The following RPS6KC1 variants were observed in gnomAD, a reference collection of about 807,000 sequenced individuals.
RPS6KC1 encodes inactive ribosomal protein S6 kinase delta-1.
Under a neutral mutation model 103.8 loss-of-function variants are expected in RPS6KC1, and 54 were observed. The ratio of observed to expected loss-of-function variants is 0.52; its 90% CI spans 0.42 to 0.65. The LOEUF is 0.65. RPS6KC1 is among the 30% of genes least tolerant of loss of function. RPS6KC1 has a pLI of 0.00. For synonymous variants in RPS6KC1, 439 were observed against 438.7 expected, an observed-to-expected ratio of 1.00 and a Z score of -0.01; for missense variants, 1,151 against 1,253.8, an observed-to-expected ratio of 0.92 and a Z score of 1.24.
chr1:213,553,709 T>A, the RPS6KC1 span, among the ~76,000 whole-genome samples: 4 of 152,308 alleles, frequency 2.6e-5, no homozygotes, highest in African/African-American at 7.2e-5. Flanking sequence ...TTGATTTTTT[T>A]AATAATTGCC....
chr1:213,602,120 C>CTTTCTTTCTTTCTTTGTTCTTTCTT, the RPS6KC1 span, among the ~76,000 whole-genome samples: 1 of 5,156 alleles, frequency 1.9e-4, no homozygotes, highest in Middle Eastern at 0.083. Flanking sequence ...TTCTTTCTTT[C>CTTTCTTTCTTTCTTTGTTCTTTCTT]TCTTTCTTTC....
At chr1:213,247,925 A>G (rs575168064) in intron 12 of RPS6KC1, among the ~76,000 whole-genome samples, 1 of 152,326 alleles carries the variant, frequency 6.6e-6, no homozygotes, top group African/African-American at 2.4e-5. Context: ...TACATAAAGT[A>G]TATCATGTAG....
chr1:213,420,160 G>C, the RPS6KC1 span, among the ~76,000 whole-genome samples: 1 of 152,190 alleles, frequency 6.6e-6, no homozygotes, highest in Non-Finnish European at 1.5e-5. Flanking sequence ...GATTGGAAGA[G>C]GAAATGTGGC....
chr1:213,269,226 T>C (rs769567560), intron 14 of RPS6KC1, among the ~76,000 whole-genome samples: 1 of 152,088 alleles, frequency 6.6e-6, no homozygotes, highest in Non-Finnish European at 1.5e-5. Flanking sequence ...ATCTGACACA[T>C]GTTTCATAGT....
chr1:213,360,825 C>G, the RPS6KC1 span, among the ~76,000 whole-genome samples: 1 of 152,218 alleles, frequency 6.6e-6, no homozygotes, highest in Non-Finnish European at 1.5e-5. Context: ...GAGGTCTACT[C>G]CAGACCCTGT....
chr1:213,380,794 G>A, the RPS6KC1 span, among the ~76,000 whole-genome samples: 2 of 152,192 alleles, frequency 1.3e-5, no homozygotes, highest in African/African-American at 4.8e-5. Flanking sequence ...CCTCGTCTCA[G>A]TATTTCCGCC....
the RPS6KC1 span, among the ~76,000 whole-genome samples, chr1:213,806,828 T>G: frequency 4.9e-5 from 7 of 144,218 alleles, no homozygotes; most frequent in Non-Finnish European, 7.7e-5. Flanking sequence ...CATTATGATG[T>G]TAGCTGGTTA....
chr1:213,152,569 C>G (rs61834122), intron 6 of RPS6KC1, among the ~76,000 whole-genome samples: 139,075 of 144,950 alleles, frequency 0.96, 66,764 homozygotes, highest in East Asian at 1. Flanking sequence ...ACGGGGTTGC[C>G]GCCGGGCAGA....
the RPS6KC1 span, among the ~76,000 whole-genome samples, chr1:213,319,998 A>G: frequency 5.5e-4 from 84 of 152,310 alleles, no homozygotes; most frequent in African/African-American, 1.9e-3. Context: ...TAGCCCCTCT[A>G]ACTTAATGTT....
chr1:213,764,003 G>A, the RPS6KC1 span, among the ~76,000 whole-genome samples: 486 of 152,282 alleles, frequency 3.2e-3, 3 homozygotes, highest in African/African-American at 0.011. Flanking sequence ...TCCGTTATTG[G>A]CCCATCCCTT....
chr1:213,430,104 A>G, the RPS6KC1 span, among the ~76,000 whole-genome samples: 3 of 152,174 alleles, frequency 2.0e-5, no homozygotes, highest in East Asian at 1.9e-4. Flanking sequence ...GTCGTCTTCC[A>G]CTGGCTTACT....
chr1:213,684,175 A>G, the RPS6KC1 span, among the ~76,000 whole-genome samples: 14 of 152,108 alleles, frequency 9.2e-5, no homozygotes, highest in African/African-American at 3.4e-4. Flanking sequence ...ACACTCTGAT[A>G]TTTATAAATC....
At chr1:213,692,359 C>A in the RPS6KC1 span, among the ~76,000 whole-genome samples, 3 of 149,094 alleles carry the variant, frequency 2.0e-5, no homozygotes, top group Non-Finnish European at 4.4e-5. Flanking sequence ...CTTGCCACTA[C>A]ACTCTAGCCT....
intron 6 of RPS6KC1, among the ~76,000 whole-genome samples, chr1:213,162,421 C>T (rs2090564393): frequency 1.3e-5 from 2 of 151,996 alleles, no homozygotes; most frequent in South Asian, 4.2e-4. Flanking sequence ...GCTGGGACTA[C>T]AGGTGTGTAC....
the RPS6KC1 span, among the ~76,000 whole-genome samples, chr1:213,523,100 T>C: frequency 2.0e-5 from 3 of 152,158 alleles, no homozygotes; most frequent in Non-Finnish European, 2.9e-5. Flanking sequence ...TACAGACCAT[T>C]GTAGGGATAT....
chr1:213,278,646 C>T (rs1377725284), downstream of RPS6KC1, among the ~76,000 whole-genome samples: 1 of 152,198 alleles, frequency 6.6e-6, no homozygotes, highest in Admixed American at 6.5e-5. Context: ...ACCCCTCCCT[C>T]CCATTATGGG....
chr1:213,331,002 G>T, the RPS6KC1 span, among the ~76,000 whole-genome samples: 4 of 152,148 alleles, frequency 2.6e-5, no homozygotes, highest in Non-Finnish European at 5.9e-5. Context: ...GTGCATGGAA[G>T]AAGGAAGAGA....
intron 3 of RPS6KC1, among the ~76,000 whole-genome samples, chr1:213,097,250 A>T (rs2081547908): frequency 6.6e-6 from 1 of 152,200 alleles, no homozygotes; most frequent in Admixed American, 6.5e-5. Flanking sequence ...GCTAATCAGG[A>T]GGCTGAGACA....
chr1:213,787,366 G>A, the RPS6KC1 span, among the ~76,000 whole-genome samples: 1 of 152,142 alleles, frequency 6.6e-6, no homozygotes, highest in South Asian at 2.1e-4. Context: ...GAGTGAAAAA[G>A]GGGGAATAAG....
Sources: allele counts gnomAD v4.1 joint callset (sites outside exome capture counted in the v4.1 genomes callset), GRCh38; gene constraint gnomAD v4.1.1; transcripts MANE v1.5; gene names NCBI Gene and HGNC (gene_info 2026-07-23, HGNC 2026-07-21).